The following FRMD5 variants were observed in gnomAD, a reference collection of about 807,000 sequenced individuals.
FRMD5 encodes the protein FERM domain-containing protein 5.
A neutral mutation model predicts 69.0 loss-of-function variants in FRMD5; 20 were observed. The ratio of observed to expected loss-of-function variants is 0.29; its 90% confidence interval spans 0.20 to 0.42. The LOEUF (loss-of-function observed/expected upper bound fraction) is 0.42. Ranked by LOEUF, FRMD5 falls within the 10% of genes least tolerant of loss-of-function variation. The pLI is 1.00. For missense variants in FRMD5, 595 were observed against 708.6 expected, an observed-to-expected ratio of 0.84 and a Z score of 1.82; for synonymous variants, 271 against 260.1, an observed-to-expected ratio of 1.04 and a Z score of -0.40.
At chr15:43,938,227 G>A (rs1400037150) in intron 1 of FRMD5, among the ~76,000 whole-genome samples, 4 of 101,362 alleles carry the variant, frequency 3.9e-5, no homozygotes, top group South Asian at 3.2e-4. Context: ...GCGAGACTCC[G>A]TCTCAAAAAA....
chr15:44,021,057 G>A (rs1032212098), intron 1 of FRMD5, among the ~76,000 whole-genome samples: 2 of 152,166 alleles, frequency 1.3e-5, no homozygotes, highest in African/African-American at 4.8e-5. Flanking sequence ...AGGAGGCCAA[G>A]GCAGCTCATT....
chr15:44,003,427 T>A (rs1409950138), intron 1 of FRMD5, among the ~76,000 whole-genome samples: 3 of 152,168 alleles, frequency 2.0e-5, no homozygotes, highest in Non-Finnish European at 4.4e-5. Flanking sequence ...AACACTCAGA[T>A]GTAGGTTGTT....
chr15:44,103,141 T>A (rs529582152), intron 1 of FRMD5, among the ~76,000 whole-genome samples: 2 of 152,290 alleles, frequency 1.3e-5, no homozygotes, highest in Admixed American at 1.3e-4. Flanking sequence ...CTCATGCCAT[T>A]TGCCCTAATG....
chr15:44,146,683 C>A lies in FRMD5; in HGVS notation c.102+48270G>T, dbSNP rs910523767. On this transcript the variant is annotated intron_variant, in intron 1 of 13. Coordinates refer to ENST00000417257, the MANE Select transcript of FRMD5 (RefSeq NM_032892.5). ...TTGTTTCTTGACCTTTTAATAATTG[C>A]CATTCTGAATGGTGTGAGATGGTAT... Among the ~76,000 whole-genome samples the A allele has an allele frequency of 2.6e-5, 4 of 152,106 alleles. 1 individual carries two copies. The highest frequency in any genetic ancestry group is 9.7e-5 in the African/African-American group (4 of 41,416).
intron 1 of FRMD5, among the ~76,000 whole-genome samples, chr15:44,138,520 A>C (rs1432265426): frequency 6.6e-6 from 1 of 152,138 alleles, no homozygotes; most frequent in Non-Finnish European, 1.5e-5. Flanking sequence ...GGAGAAAAGA[A>C]CTCTCAAGCT....
At chr15:44,003,677 A>T (rs930796776) in intron 1 of FRMD5, among the ~76,000 whole-genome samples, 6 of 152,286 alleles carry the variant, frequency 3.9e-5, no homozygotes, top group Admixed American at 3.3e-4. Flanking sequence ...TCTCACTTCA[A>T]CAAGGCCCAC....
chr15:43,883,737 G>A lies in FRMD5; in HGVS notation c.1101C>T (p.Thr367=), dbSNP rs1272541113. ...HGPRLSSVPR[T]RRRAVHISIM... ...TGGAGATGTGAACAGCTCTTCTGCG[G>A]GTCCTGGGGACGCTGCTCAGCCTTG... The change falls in exon 13 of 14, where the codon ACC becomes ACT. Residue 367 remains threonine (T), a synonymous_variant. Coordinates refer to ENST00000417257, the MANE Select transcript of FRMD5 (RefSeq NM_032892.5). The A allele has an allele frequency of 1.2e-6, 2 of 1,613,518 alleles. No homozygotes were observed. Among genetic ancestry groups the A allele is most frequent in the Non-Finnish European group, 1.7e-6 (2 of 1,179,772 alleles).
chr15:44,131,712 TC>T (rs2140420659), intron 1 of FRMD5, among the ~76,000 whole-genome samples: 1 of 152,314 alleles, frequency 6.6e-6, no homozygotes, highest in African/African-American at 2.4e-5. Context: ...ACTGAATAAA[TC>T]CACCTATATA....
At chr15:44,132,364 A>G (rs182556383) in intron 1 of FRMD5, among the ~76,000 whole-genome samples, 44 of 152,324 alleles carry the variant, frequency 2.9e-4, no homozygotes, top group African/African-American at 1.0e-3. Flanking sequence ...ATAGAGATTC[A>G]GTTTTACAAG....
chr15:44,025,131 C>G (rs1417688634), intron 1 of FRMD5, among the ~76,000 whole-genome samples: 1 of 152,126 alleles, frequency 6.6e-6, no homozygotes, highest in Non-Finnish European at 1.5e-5. Flanking sequence ...GGCTGGCCAA[C>G]AGAAAGTTCT....
In FRMD5 at chr15:43,972,408, T is replaced by C. The variant is rs1281203583; in HGVS notation, c.103-48099A>G. Among the ~76,000 whole-genome samples, 3 of 152,188 alleles carry C rather than the reference T, an allele frequency of 2.0e-5. No individual in the cohort carries two copies. In the East Asian group the frequency reaches 5.8e-4, roughly 29 times the overall value. On this transcript the variant is annotated intron_variant, in intron 1 of 13. Transcript: ENST00000417257. ...TACTTTATTGAGTTTTAATTAAATA[T>C]AGCTGTGACCATAGACTAATGGACA...
intron 1 of FRMD5, among the ~76,000 whole-genome samples, chr15:43,980,854 C>G (rs894004122): frequency 6.6e-6 from 1 of 152,016 alleles, no homozygotes; most frequent in African/African-American, 2.4e-5. Flanking sequence ...TACAATTGAC[C>G]CTTGAACAAT....
intron 1 of FRMD5, among the ~76,000 whole-genome samples, chr15:44,162,137 G>A (rs1045663014): frequency 1.3e-5 from 2 of 151,976 alleles, no homozygotes; most frequent in Non-Finnish European, 2.9e-5. Flanking sequence ...GCTAATTTTT[G>A]TATTTTTAGT....
At chr15:44,078,392 A>C (rs1893858895) in intron 1 of FRMD5, among the ~76,000 whole-genome samples, 1 of 152,138 alleles carries the variant, frequency 6.6e-6, no homozygotes, top group Non-Finnish European at 1.5e-5. Flanking sequence ...GACTTCCTAT[A>C]AAATACTTCA....
At chr15:43,912,988 G>A (rs1012751597) in intron 4 of FRMD5, among the ~76,000 whole-genome samples, 2 of 150,358 alleles carry the variant, frequency 1.3e-5, no homozygotes, top group African/African-American at 2.5e-5. Flanking sequence ...CGCCAAGATC[G>A]TGCCACTGCA....
chr15:44,196,958 C>T (rs1185082791), upstream of FRMD5, among the ~76,000 whole-genome samples: 2 of 152,134 alleles, frequency 1.3e-5, no homozygotes, highest in African/African-American at 4.8e-5. Context: ...AGGCATAAAA[C>T]CAGGCATGCG....
intron 1 of FRMD5, among the ~76,000 whole-genome samples, chr15:44,042,015 C>A (rs1051776432): frequency 6.6e-6 from 1 of 152,002 alleles, no homozygotes; most frequent in Non-Finnish European, 1.5e-5. Flanking sequence ...AAAAGATCAA[C>A]AACATAGATA....
intron 4 of FRMD5, among the ~76,000 whole-genome samples, chr15:43,918,753 T>G (rs775099098): frequency 5.9e-5 from 9 of 152,220 alleles, no homozygotes; most frequent in Non-Finnish European, 1.0e-4. Context: ...GGATCCATGT[T>G]GTAGAGTTCT....
intron 1 of FRMD5, among the ~76,000 whole-genome samples, chr15:44,143,758 C>T (rs2706470): frequency 0.82 from 123,820 of 151,020 alleles, 53,259 homozygotes; most frequent in Non-Finnish European, 0.94. Flanking sequence ...ACCCCGTCTC[C>T]ACTAAAAATA....
Sources: gnomAD v4.1 joint callset for allele counts (sites outside exome capture counted in the v4.1 genomes callset) on GRCh38, gnomAD v4.1.1 for gene constraint, MANE v1.5 for transcripts, NCBI Gene and HGNC (gene_info 2026-07-23, HGNC 2026-07-21) for gene names.